The following FKBP15 variants were observed in gnomAD, a reference collection of about 807,000 sequenced individuals.
FKBP15 encodes the protein FK506-binding protein 15.
A neutral mutation model predicts 158.1 loss-of-function variants in FKBP15; 106 were observed. The observed-to-expected ratio is 0.67, with a 90% CI of 0.57 to 0.79. FKBP15 has a LOEUF of 0.79. Ranked by LOEUF, FKBP15 falls within the 30% of genes least tolerant of loss-of-function variation. The pLI is 0.00. For missense variants in FKBP15, 1,287 were observed against 1,479.1 expected (o/e 0.87, Z 2.13); for synonymous variants, 547 against 548.6 (o/e 1.00, Z 0.04).
intron 9 of FKBP15, among the ~76,000 whole-genome samples, chr9:113,196,129 A>C (rs1053638685): frequency 6.6e-6 from 1 of 152,146 alleles, no homozygotes; most frequent in African/African-American, 2.4e-5. Context: ...AGAGCTACAT[A>C]AAAATCTATG....
At chr9:113,194,313 G>A in intron 9 of FKBP15, 144 bp from the exon 10 acceptor site, 1 of 549,566 alleles carries the variant, frequency 1.8e-6, no homozygotes. Context: ...TATACCTAAT[G>A]CTAGATGACA....
chr9:113,198,861 G>A lies in FKBP15; in HGVS notation c.711C>T (p.Val237=). The change falls in exon 8 of 28, where the codon GTC becomes GTT. Residue 237 remains valine, a synonymous_variant. Coordinates refer to ENST00000238256, the MANE Select transcript of FKBP15 (RefSeq NM_015258.2). This position sits in a 1 kb window ranked among gnomAD's most constrained non-coding sequence, Gnocchi z 5.2. ...LLRLKLGSGK[V]IKGWEDGMLG... ...AACACAGTTAAGCCTTTACCTTGAT[G>A]ACTTTTCCTGATCCTAACTTCAAGC... is the stretch of plus-strand genomic sequence containing the variant. 1 of 1,602,322 alleles carries A rather than the reference G, an allele frequency of 6.2e-7. No homozygotes were observed. Among genetic ancestry groups the A allele is most frequent in the South Asian group, 1.1e-5 (1 of 88,732 alleles).
At chr9:113,202,690 G>A (rs931989611) in intron 5 of FKBP15, 61 bp from the exon 6 acceptor site, 19 of 1,330,282 alleles carry the variant, frequency 1.4e-5, no homozygotes, top group Middle Eastern at 1.8e-4. Flanking sequence ...TAAACATGAC[G>A]GCCTAAGCTC....
chr9:113,179,517 C>T (rs1238921021), intron 19 of FKBP15, among the ~76,000 whole-genome samples: 1 of 151,934 alleles, frequency 6.6e-6, no homozygotes, highest in Admixed American at 6.6e-5. Context: ...CAAAAATTAG[C>T]CAGGCATGGT....
intron 26 of FKBP15, among the ~76,000 whole-genome samples, chr9:113,168,894 T>C (rs1362724325): frequency 6.6e-6 from 1 of 152,152 alleles, no homozygotes; most frequent in African/African-American, 2.4e-5. Context: ...TATGTAAGTA[T>C]GTATTTGTTT....
At chr9:113,195,828 G>A (rs1830667032) in intron 9 of FKBP15, among the ~76,000 whole-genome samples, 1 of 151,832 alleles carries the variant, frequency 6.6e-6, no homozygotes, top group African/African-American at 2.4e-5. Flanking sequence ...TTTTTTATAT[G>A]GTACAAAAGG....
intron 10 of FKBP15, 44 bp downstream of exon 10, chr9:113,193,983 T>A: frequency 6.5e-7 from 1 of 1,539,542 alleles, no homozygotes; most frequent in Non-Finnish European, 8.8e-7. Flanking sequence ...TAAGAATCAT[T>A]TTTATGAGCC....
rs1169398699 is a variant in FKBP15, at chr9:113,165,614, GACT to G, written c.*461_*463del. 7 of 153,616 alleles carry G rather than the reference GACT, an allele frequency of 4.6e-5. No individual in the cohort carries two copies. Among genetic ancestry groups the G allele is most frequent in the African/African-American group, 1.7e-4 (7 of 41,476 alleles). The allele number at this position is 153,616 out of a possible 1,614,324, so 9.5% of individuals were successfully genotyped here. On this transcript the variant is annotated 3_prime_UTR_variant, in exon 28 of 28. Coordinates refer to ENST00000238256, the MANE Select transcript of FKBP15 (RefSeq NM_015258.2). The stretch of plus-strand genomic sequence containing the variant: ...GCAAAGAAGAAGATACATGTCCCAG[GACT>G]ATAGGCCAGGCTGTTGACTGCACTG...
chr9:113,217,340 G>A lies in FKBP15; in HGVS notation c.53+3851C>T, dbSNP rs186668418. Among the ~76,000 whole-genome samples, 859 of 149,966 alleles carry A rather than the reference G, an allele frequency of 5.7e-3. 21 individuals carry two copies. Among genetic ancestry groups the A allele is most frequent in the Admixed American group, 0.033 (497 of 15,000 alleles). ...CGATTCTCCTACCTCAGCCTCCCAC[G>A]TAGCTGGGATTATAGGCACCTGCCA... On this transcript the variant is annotated intron_variant, in intron 1 of 27. Transcript: ENST00000238256.
At chr9:113,189,642 G>C (rs1202074318) in intron 12 of FKBP15, among the ~76,000 whole-genome samples, 2 of 151,936 alleles carry the variant, frequency 1.3e-5, no homozygotes, top group Admixed American at 1.3e-4. Flanking sequence ...AAACAAAAAT[G>C]TAAAATATAA....
At chr9:113,167,324 T>C (rs2118852431) in intron 27 of FKBP15, among the ~76,000 whole-genome samples, 1 of 152,158 alleles carries the variant, frequency 6.6e-6, no homozygotes, top group Non-Finnish European at 1.5e-5. Flanking sequence ...ACATGTTAAC[T>C]GGACAGTATT....
rs1128122 is a variant in FKBP15 at position 113,169,313 on chromosome 9, G to A, written c.3396C>T (p.Thr1132=). 0.064 allele frequency: 103,870 copies of A among 1,614,016 alleles called. 3,892 individuals are homozygous for A. Among genetic ancestry groups the A allele is most frequent in the South Asian group, 0.14 (12,502 of 91,090 alleles). The change falls in exon 26 of 28, where the codon ACC becomes ACT. Residue 1132 remains threonine, a synonymous_variant. Coordinates refer to ENST00000238256, the MANE Select transcript of FKBP15 (RefSeq NM_015258.2). The stretch of plus-strand genomic sequence containing the variant: ...TGCTTGACAGCTCCTTGTGGGGACC[G>A]GTGGAGCTAGTGACATCATCTTTCT... The part of the protein sequence containing the change: ...QLKKDDVTSS[T]GPHKELSSTE...
At chr9:113,218,380 TATATATATA>T (rs1564195451) in intron 1 of FKBP15, among the ~76,000 whole-genome samples, 16,689 of 93,004 alleles carry the variant, frequency 0.18, 1,203 homozygotes, top group Non-Finnish European at 0.24. Flanking sequence ...AATACAATTA[TATATATATA>T]TATATATATA....
At chr9:113,208,133 T>C (rs918081427) in intron 2 of FKBP15, among the ~76,000 whole-genome samples, 8 of 152,066 alleles carry the variant, frequency 5.3e-5, no homozygotes, top group Non-Finnish European at 1.2e-4. Context: ...CACGAGGAGT[T>C]CGAGACCAGC....
intron 18 of FKBP15, 63 bp from the exon 19 acceptor site, chr9:113,182,931 C>A: frequency 1.5e-6 from 2 of 1,303,730 alleles, no homozygotes; most frequent in Admixed American, 1.7e-5. Flanking sequence ...CAGGCACAAC[C>A]CAATGCCCAT....
intron 15 of FKBP15, 100 bp downstream of exon 15, chr9:113,186,149 C>T (rs1830481152): frequency 1.3e-6 from 1 of 751,358 alleles, no homozygotes; most frequent in South Asian, 1.7e-5. Context: ...AGAGAAGAAA[C>T]AATGAGTAGA....
At chr9:113,193,013 AG>A (rs1407145801) in intron 11 of FKBP15, among the ~76,000 whole-genome samples, 1 of 152,216 alleles carries the variant, frequency 6.6e-6, no homozygotes, top group African/African-American at 2.4e-5. Context: ...AACTGAACAA[AG>A]GCTCTGAACT....
chr9:113,169,117 C>T lies in FKBP15; in HGVS notation c.3485+107G>A, dbSNP rs569609028. The T allele has an allele frequency of 9.1e-5, 126 of 1,389,462 alleles. 3 individuals are homozygous for T. In the South Asian group the frequency reaches 1.8e-3, roughly 20 times the overall value. The allele number at this position is 1,389,462 out of a possible 1,614,324, so 86.1% of individuals were successfully genotyped here. ...TAATACATCAACTAATGAATGAAGA[C>T]ATGAGTAAATTAGTCTCTGAGGGAT... On this transcript the variant is annotated intron_variant, in intron 26 of 27. Coordinates refer to ENST00000238256, the MANE Select transcript of FKBP15 (RefSeq NM_015258.2).
intron 20 of FKBP15, among the ~76,000 whole-genome samples, chr9:113,177,405 A>G (rs778438041): frequency 2.6e-5 from 4 of 152,232 alleles, no homozygotes; most frequent in Non-Finnish European, 1.5e-5. Context: ...GGCACCACAA[A>G]AGCAGAAATG....
Sources: gnomAD v4.1 joint callset for allele counts (sites outside exome capture counted in the v4.1 genomes callset) on GRCh38, gnomAD v4.1.1 for gene constraint, Gnocchi (gnomAD v3.1) non-coding constraint, MANE v1.5 for transcripts, NCBI Gene and HGNC (gene_info 2026-07-23, HGNC 2026-07-21) for gene names.